SDK2: variants seen among roughly 807,000 people sequenced by gnomAD.
SDK2 encodes protein sidekick-2.
Under a neutral mutation model 253.9 loss-of-function variants are expected in SDK2, and 105 were observed. The observed-to-expected ratio is 0.41, with a 90% CI of 0.35 to 0.49. SDK2 has a LOEUF of 0.49. SDK2 is among the 20% of genes least tolerant of loss of function. The pLI, the probability that SDK2 is intolerant of heterozygous loss-of-function variation, is 0.06. For missense variants in SDK2, 2,608 were observed against 3,003.0 expected (o/e 0.87, Z 3.07); for synonymous variants, 1,249 against 1,234.9 (o/e 1.01, Z -0.24).
Position 73,363,572 on chromosome 17 carries a change from C to T in SDK2, c.5305+1686G>A, listed in dbSNP as rs566871322. ...TTTTGTGAGGCTGGTTTGCTATTGACCTGAACCCAGGATGAACTGGGGTGT... is the reference window on the plus strand; with the variant it reads ...TTTTGTGAGGCTGGTTTGCTATTGATCTGAACCCAGGATGAACTGGGGTGT... On this transcript the variant is annotated intron_variant, in intron 38 of 44. Coordinates refer to ENST00000392650, the MANE Select transcript of SDK2 (RefSeq NM_001144952.2). Among the ~76,000 whole-genome samples, 13 of 152,240 alleles carry T rather than the reference C, an allele frequency of 8.5e-5. No homozygotes were observed. The South Asian group carries it at 1.2e-3, about 15-fold the overall frequency.
chr17:73,366,748 C>T (rs1243377137), intron 37 of SDK2, among the ~76,000 whole-genome samples: 3 of 152,224 alleles, frequency 2.0e-5, no homozygotes, highest in African/African-American at 4.8e-5. Flanking sequence ...TGCCTGTCCA[C>T]GGGGCTTCTG....
intron 2 of SDK2, among the ~76,000 whole-genome samples, chr17:73,477,467 G>T (rs958405701): frequency 2.6e-5 from 4 of 152,238 alleles, no homozygotes; most frequent in African/African-American, 9.6e-5. Context: ...TTTCACTTCT[G>T]TTCTTTCTTA....
intron 1 of SDK2, among the ~76,000 whole-genome samples, chr17:73,542,023 C>A (rs775536124): frequency 1.3e-5 from 2 of 152,216 alleles, no homozygotes; most frequent in African/African-American, 4.8e-5. Flanking sequence ...AATAAAACAG[C>A]ATCTGTGAAG....
intron 18 of SDK2, among the ~76,000 whole-genome samples, chr17:73,405,396 C>T (rs2063063713): frequency 8.6e-6 from 1 of 115,758 alleles, no homozygotes; most frequent in Non-Finnish European, 1.7e-5. Context: ...GCCAAGATTG[C>T]GACACTGCAC....
At chr17:73,529,074 T>C (rs2064148951) in intron 1 of SDK2, among the ~76,000 whole-genome samples, 1 of 152,206 alleles carries the variant, frequency 6.6e-6, no homozygotes, top group African/African-American at 2.4e-5. Flanking sequence ...GAGCCTTCTG[T>C]AAATACCTCC....
chr17:73,525,404 G>A (rs2064117569), intron 1 of SDK2, among the ~76,000 whole-genome samples: 2 of 152,320 alleles, frequency 1.3e-5, no homozygotes, highest in South Asian at 4.1e-4. Context: ...TTTACAGGAA[G>A]GCGACAAGTT....
At chr17:73,579,655 T>C (rs1420480204) in intron 1 of SDK2, among the ~76,000 whole-genome samples, 1 of 152,150 alleles carries the variant, frequency 6.6e-6, no homozygotes, top group African/African-American at 2.4e-5. Flanking sequence ...GGATGGGCCC[T>C]AATCCAATAT....
In SDK2 at chr17:73,639,298, C is replaced by T. The variant is rs1012289345; in HGVS notation, c.64+4727G>A. 1.7e-4 allele frequency among the ~76,000 whole-genome samples: 26 copies of T among 152,088 alleles called. No individual in the cohort carries two copies. The highest frequency in any genetic ancestry group is 6.3e-4 in the African/African-American group (26 of 41,420). On this transcript the variant is annotated intron_variant, in intron 1 of 44. Transcript: ENST00000392650. This position sits in a 1 kb window ranked among gnomAD's most constrained non-coding sequence, Gnocchi z 4.3. Reference sequence around the variant, plus strand: ...AGCAAGAGGCTTTTTGGTCCAGGCACCAGGCCCAGGGAGTCTGAGGGGACA... The same window carrying T: ...AGCAAGAGGCTTTTTGGTCCAGGCATCAGGCCCAGGGAGTCTGAGGGGACA...
At chr17:73,594,257 C>T (rs998342701) in intron 1 of SDK2, among the ~76,000 whole-genome samples, 4 of 152,126 alleles carry the variant, frequency 2.6e-5, no homozygotes, top group African/African-American at 7.2e-5. Context: ...ACAGCTCCCT[C>T]GACCCTTGAC....
At chr17:73,575,666 C>T (rs561449833) in intron 1 of SDK2, among the ~76,000 whole-genome samples, 1 of 152,320 alleles carries the variant, frequency 6.6e-6, no homozygotes, top group East Asian at 1.9e-4. Flanking sequence ...TGTAGGATTG[C>T]GTCTGGCACT....
intron 36 of SDK2, among the ~76,000 whole-genome samples, chr17:73,372,029 T>G (rs1005589240): frequency 1.3e-5 from 2 of 151,478 alleles, no homozygotes; most frequent in African/African-American, 4.8e-5. Context: ...TTTTCTGCCC[T>G]GCCCGTGGGA....
chr17:73,501,238 G>A (rs1279600017), intron 2 of SDK2, among the ~76,000 whole-genome samples: 4 of 73,654 alleles, frequency 5.4e-5, no homozygotes, highest in Admixed American at 1.6e-4. Flanking sequence ...ACATGCATGT[G>A]CATGCACACA....
At chr17:73,422,525 C>T in intron 14 of SDK2, 91 bp from the exon 15 acceptor site, 1 of 1,442,082 alleles carries the variant, frequency 6.9e-7, no homozygotes, top group Non-Finnish European at 9.6e-7. Context: ...TCCAGCTTCA[C>T]TGGGGCTGGC....
chr17:73,406,566 A>T (rs1207320211), intron 18 of SDK2, among the ~76,000 whole-genome samples: 4 of 152,048 alleles, frequency 2.6e-5, no homozygotes, highest in African/African-American at 7.2e-5. Flanking sequence ...TGTTTATATT[A>T]AAAAAATGGA....
rs1015406457 is a variant in SDK2, at chr17:73,643,370, G to A, written c.64+655C>T. Among the ~76,000 whole-genome samples, 1 of 152,098 alleles carries A rather than the reference G, an allele frequency of 6.6e-6. No individual in the cohort carries two copies. Among genetic ancestry groups the A allele is most frequent in the East Asian group, 1.9e-4 (1 of 5,160 alleles). ...TGTGGGTGGATGGGTAGGAGGGGAGGCCTCAGACCCTCCCTGTGCACCACC... is the reference window on the plus strand; with the variant it reads ...TGTGGGTGGATGGGTAGGAGGGGAGACCTCAGACCCTCCCTGTGCACCACC... On this transcript the variant is annotated intron_variant, in intron 1 of 44. Transcript: ENST00000392650. The surrounding 1 kb of genome is among the most constrained non-coding windows in gnomAD (Gnocchi z 6.9).
intron 18 of SDK2, among the ~76,000 whole-genome samples, chr17:73,408,280 C>T (rs8068583): frequency 0.95 from 137,930 of 145,362 alleles, 65,556 homozygotes; most frequent in Non-Finnish European, 0.99. Context: ...TGCAGTGGTG[C>T]GATCTCAGCT....
intron 40 of SDK2, among the ~76,000 whole-genome samples, chr17:73,355,625 C>T (rs940947692): frequency 2.0e-5 from 3 of 152,266 alleles, no homozygotes; most frequent in Admixed American, 6.5e-5. Context: ...GGATTACAGG[C>T]GTGAGCCACC....
chr17:73,624,574 A>T (rs781098967), intron 1 of SDK2, among the ~76,000 whole-genome samples: 4 of 152,230 alleles, frequency 2.6e-5, no homozygotes, highest in Non-Finnish European at 5.9e-5. Context: ...ACAGCAGCAA[A>T]TGAACTCTAG....
At chr17:73,579,059 G>A (rs938587700) in intron 1 of SDK2, among the ~76,000 whole-genome samples, 4 of 150,650 alleles carry the variant, frequency 2.7e-5, no homozygotes, top group Admixed American at 6.6e-5. Context: ...CCTTCCCCTC[G>A]GCATCCTCAC....
Sources: gnomAD v4.1 joint callset for allele counts (sites outside exome capture counted in the v4.1 genomes callset) on GRCh38, gnomAD v4.1.1 for gene constraint, Gnocchi (gnomAD v3.1) non-coding constraint, MANE v1.5 for transcripts, NCBI Gene and HGNC (gene_info 2026-07-23, HGNC 2026-07-21) for gene names.